Variants in CAMKMT observed in about 807,000 individuals in gnomAD.
CAMKMT encodes the protein CaM KMT.
A neutral mutation model predicts 48.0 loss-of-function variants in CAMKMT; 53 were observed. The ratio of observed to expected loss-of-function variants is 1.10; its 90% confidence interval spans 0.89 to 1.39. The LOEUF (loss-of-function observed/expected upper bound fraction) is 1.39. Ranked by LOEUF, CAMKMT falls within the 40% of genes most tolerant of loss-of-function variation. CAMKMT has a pLI of 0.00. For synonymous variants in CAMKMT, 165 were observed against 152.3 expected (o/e 1.08, Z -0.61); for missense variants, 428 against 402.7 (o/e 1.06, Z -0.54).
intron 3 of CAMKMT, among the ~76,000 whole-genome samples, chr2:44,556,693 T>A (rs12997793): frequency 1.6e-5 from 1 of 64,412 alleles, no homozygotes; most frequent in Non-Finnish European, 3.4e-5. Flanking sequence ...ATGGTCTTGA[T>A]CTCCTGACCT....
At chr2:44,649,929 A>G (rs138740865) in intron 3 of CAMKMT, among the ~76,000 whole-genome samples, 5 of 152,306 alleles carry the variant, frequency 3.3e-5, no homozygotes, top group South Asian at 2.1e-4. Flanking sequence ...CGCAGCCACC[A>G]TAAGTTGTGA....
chr2:44,424,083 A>G (rs1684108215), intron 3 of CAMKMT, among the ~76,000 whole-genome samples: 1 of 152,134 alleles, frequency 6.6e-6, no homozygotes, highest in African/African-American at 2.4e-5. Flanking sequence ...GTGTTTTGTA[A>G]TTATATTTTC....
chr2:44,561,506 C>T (rs1373976240), intron 3 of CAMKMT, among the ~76,000 whole-genome samples: 1 of 152,180 alleles, frequency 6.6e-6, no homozygotes. Flanking sequence ...GTTGCTTTCA[C>T]TTGGGATAAC....
intron 3 of CAMKMT, among the ~76,000 whole-genome samples, chr2:44,644,011 A>G (rs1158518747): frequency 6.6e-6 from 1 of 152,190 alleles, no homozygotes; most frequent in Non-Finnish European, 1.5e-5. Flanking sequence ...GTGACAAAAG[A>G]CAGTATCTTC....
At chr2:44,555,168 T>A (rs1458213032) in intron 3 of CAMKMT, among the ~76,000 whole-genome samples, 1 of 152,178 alleles carries the variant, frequency 6.6e-6, no homozygotes, top group Admixed American at 6.5e-5. Context: ...ATTTACATTA[T>A]TCATTCAGGT....
intron 9 of CAMKMT, among the ~76,000 whole-genome samples, chr2:44,762,602 A>C (rs1056887917): frequency 6.6e-6 from 1 of 152,262 alleles, no homozygotes; most frequent in African/African-American, 2.4e-5. Context: ...ACATGTATAC[A>C]TATGTAACAA....
At chr2:44,623,712 A>G (rs1485039752) in intron 3 of CAMKMT, among the ~76,000 whole-genome samples, 1 of 152,058 alleles carries the variant, frequency 6.6e-6, no homozygotes, top group East Asian at 1.9e-4. Flanking sequence ...GTTTTAATGA[A>G]TGTATATACC....
chr2:44,737,344 T>C (rs1679409228), intron 7 of CAMKMT, among the ~76,000 whole-genome samples: 1 of 152,204 alleles, frequency 6.6e-6, no homozygotes, highest in Admixed American at 6.5e-5. Context: ...TTTGAACGCC[T>C]GACCTCAAGC....
intron 3 of CAMKMT, 69 bp from the exon 4 acceptor site, chr2:44,704,214 A>ATT: frequency 4.6e-6 from 6 of 1,292,686 alleles, no homozygotes; most frequent in Non-Finnish European, 6.6e-6. Context: ...ACTGAACATT[A>ATT]TTTTTAAAAG....
rs202087319 is a variant in CAMKMT, at chr2:44,768,359, A to ATTT, written c.894+1799_894+1800insTTT. On this transcript the variant is annotated intron_variant, in intron 10 of 10. Transcript: ENST00000378494. ...GCGCCCATGATATATATATATATAT[A>ATTT]TATTTTTTTTTTTTTTTTAATAATG... Among the ~76,000 whole-genome samples the ATTT allele has an allele frequency of 1.4e-3, 143 of 101,528 alleles. 1 individual carries two copies. Among genetic ancestry groups the ATTT allele is most frequent in the Middle Eastern group, 5.3e-3 (1 of 190 alleles). The allele number at this position is 101,528 out of a possible 152,430, so 66.6% of individuals were successfully genotyped here.
chr2:44,530,787 T>C (rs1666443578), intron 3 of CAMKMT, among the ~76,000 whole-genome samples: 1 of 152,150 alleles, frequency 6.6e-6, no homozygotes, highest in African/African-American at 2.4e-5. Flanking sequence ...ATTAACGTTC[T>C]GATTTTTAAA....
intron 3 of CAMKMT, among the ~76,000 whole-genome samples, chr2:44,449,521 T>C (rs1395747747): frequency 6.6e-6 from 1 of 152,174 alleles, no homozygotes; most frequent in African/African-American, 2.4e-5. Context: ...TGGTGATCTC[T>C]TTCTTTTTTC....
At chr2:44,613,264 A>T (rs1352610013) in intron 3 of CAMKMT, among the ~76,000 whole-genome samples, 1 of 152,224 alleles carries the variant, frequency 6.6e-6, no homozygotes, top group Non-Finnish European at 1.5e-5. Flanking sequence ...ACCAGTTGTT[A>T]AAATACTGAA....
At chr2:44,586,283 C>A (rs868545013) in intron 3 of CAMKMT, among the ~76,000 whole-genome samples, 1 of 151,982 alleles carries the variant, frequency 6.6e-6, no homozygotes, top group Non-Finnish European at 1.5e-5. Context: ...ATACATTGCA[C>A]GTATCTCAAG....
intron 3 of CAMKMT, among the ~76,000 whole-genome samples, chr2:44,694,264 A>G (rs904863576): frequency 3.9e-5 from 6 of 152,218 alleles, no homozygotes; most frequent in South Asian, 2.1e-4. Flanking sequence ...CAGATTAACT[A>G]TGAAACTTGA....
At chr2:44,651,106 C>T (rs188127863) in intron 3 of CAMKMT, among the ~76,000 whole-genome samples, 8 of 152,252 alleles carry the variant, frequency 5.3e-5, no homozygotes, top group Non-Finnish European at 1.2e-4. Context: ...TGATATAATC[C>T]TTCTGAAGAG....
chr2:44,454,233 A>G (rs1296135064), intron 3 of CAMKMT, among the ~76,000 whole-genome samples: 1 of 152,122 alleles, frequency 6.6e-6, no homozygotes, highest in Non-Finnish European at 1.5e-5. Flanking sequence ...TGAGAATTCT[A>G]ATTGCTATTT....
intron 3 of CAMKMT, among the ~76,000 whole-genome samples, chr2:44,448,552 C>G (rs896595905): frequency 3.3e-5 from 5 of 152,082 alleles, no homozygotes; most frequent in African/African-American, 9.7e-5. Flanking sequence ...AGCTATTAAG[C>G]CTTGGTATTA....
At chr2:44,364,952 G>A (rs1047415470) in intron 1 of CAMKMT, among the ~76,000 whole-genome samples, 6 of 152,146 alleles carry the variant, frequency 3.9e-5, no homozygotes, top group Admixed American at 1.3e-4. Context: ...TTTGGCAAAG[G>A]CCAAATTCAA....
Sources: gnomAD v4.1 joint callset for allele counts (sites outside exome capture counted in the v4.1 genomes callset) on GRCh38, gnomAD v4.1.1 for gene constraint, MANE v1.5 for transcripts, NCBI Gene and HGNC (gene_info 2026-07-23, HGNC 2026-07-21) for gene names.